The following CLEC16A variants were observed in gnomAD, a reference collection of about 807,000 sequenced individuals.
The protein encoded by CLEC16A is protein CLEC16A.
Under a neutral mutation model 109.5 loss-of-function variants are expected in CLEC16A, and 51 were observed. The ratio of observed to expected loss-of-function variants is 0.47; its 90% CI spans 0.37 to 0.59. CLEC16A has a LOEUF of 0.59. CLEC16A is among the 20% of genes least tolerant of loss of function. The pLI is 0.00. For synonymous variants in CLEC16A, 673 were observed against 564.2 expected (o/e 1.19, Z -2.73); for missense variants, 1,339 against 1,394.0 (o/e 0.96, Z 0.63).
rs74163611 is a variant in CLEC16A at position 11,003,123 on chromosome 16, G to C, written c.1121G>C (p.Arg374Pro). 2 of 1,613,380 alleles carry C rather than the reference G, an allele frequency of 1.2e-6. No homozygotes were observed. The highest frequency in any genetic ancestry group is 1.7e-6 in the Non-Finnish European group (2 of 1,179,812). ...CFIKPTETLE[R>P]SLEMNKHKGK... ...ATTAAACCCACCGAGACACTCGAGC[G>C]GTCCCTTGAGATGAACAAGCACAAG... Residue 374 changes from arginine to proline, a missense_variant, in exon 11 of 24, where the codon CGG (arginine) becomes CCG (proline). By Grantham distance (103) the Arg-to-Pro change is moderately radical. Coordinates refer to ENST00000409790, the MANE Select transcript of CLEC16A (RefSeq NM_015226.3).
rs200454024 is a variant in CLEC16A, at chr16:10,965,565, A to G, written c.343+2977A>G. 2.0e-5 allele frequency among the ~76,000 whole-genome samples: 3 copies of G among 152,188 alleles called. No individual in the cohort carries two copies. The East Asian group carries it at 5.8e-4, about 29-fold the overall frequency. Reference sequence around the variant, plus strand: ...GTGGCAGCTTGTTGTGCTATAATCTATTTAACCTGACCACGGGCATTTAGG... The same window carrying G: ...GTGGCAGCTTGTTGTGCTATAATCTGTTTAACCTGACCACGGGCATTTAGG... On this transcript the variant is annotated intron_variant, in intron 3 of 23. Transcript: ENST00000409790.
chr16:11,154,046 A>C (rs578175640), intron 22 of CLEC16A, among the ~76,000 whole-genome samples: 1 of 152,358 alleles, frequency 6.6e-6, no homozygotes, highest in East Asian at 1.9e-4. Context: ...GGATGAATGT[A>C]GCTGGAGAGA....
rs555491990 is a variant in CLEC16A, at chr16:11,148,790, C to G, written c.2642-17598C>G. On this transcript the variant is annotated intron_variant, in intron 22 of 23. Coordinates refer to ENST00000409790, the MANE Select transcript of CLEC16A (RefSeq NM_015226.3). ...AAATAATGAGCCAACGGCTGGCACC[C>G]TTTCTCCGAGCACAGCGATGCACCA... 2.4e-4 allele frequency among the ~76,000 whole-genome samples: 36 copies of G among 152,332 alleles called. 1 individual carries two copies. The South Asian group carries it at 7.0e-3, about 30-fold the overall frequency.
At chr16:10,962,354 G>A in intron 2 of CLEC16A, 101 bp from the exon 3 acceptor site, 1 of 1,424,080 alleles carries the variant, frequency 7.0e-7, no homozygotes. Flanking sequence ...CCTTGGGGGA[G>A]AGGGGTGAAT....
chr16:11,160,570 G>A (rs2054687948), intron 22 of CLEC16A, among the ~76,000 whole-genome samples: 1 of 152,162 alleles, frequency 6.6e-6, no homozygotes. Context: ...GTACAGGGCA[G>A]CTTTTTCTGC....
At chr16:11,147,033 A>T (rs2054090248) in intron 22 of CLEC16A, among the ~76,000 whole-genome samples, 1 of 152,074 alleles carries the variant, frequency 6.6e-6, no homozygotes, top group African/African-American at 2.4e-5. Context: ...TCTCTGAGGA[A>T]AGGATGTTGA....
chr16:11,013,673 C>T (rs1421651531), intron 11 of CLEC16A, among the ~76,000 whole-genome samples: 1 of 152,088 alleles, frequency 6.6e-6, no homozygotes, highest in Non-Finnish European at 1.5e-5. Context: ...GCTGGAGAAT[C>T]CCGTTAGACT....
intron 15 of CLEC16A, among the ~76,000 whole-genome samples, chr16:11,042,893 A>G (rs1295745874): frequency 6.7e-6 from 1 of 149,836 alleles, no homozygotes; most frequent in East Asian, 1.9e-4. Context: ...TTTAAGTATT[A>G]TAAGCAAATA....
intron 19 of CLEC16A, among the ~76,000 whole-genome samples, chr16:11,101,599 C>G (rs1314747303): frequency 1.3e-5 from 2 of 152,220 alleles, no homozygotes; most frequent in Admixed American, 6.5e-5. Context: ...GGCATCCCTC[C>G]TCTCCACAGA....
At chr16:11,134,337 G>A (rs2053433606) in intron 22 of CLEC16A, among the ~76,000 whole-genome samples, 1 of 152,090 alleles carries the variant, frequency 6.6e-6, no homozygotes, top group Non-Finnish European at 1.5e-5. Flanking sequence ...CTATAATTTG[G>A]AAGAATTAAC....
chr16:11,088,514 A>G (rs1270701935), intron 19 of CLEC16A, among the ~76,000 whole-genome samples: 3 of 152,228 alleles, frequency 2.0e-5, no homozygotes, highest in Non-Finnish European at 4.4e-5. Context: ...AAGGCCGCCA[A>G]GGAAGGCCCA....
intron 11 of CLEC16A, among the ~76,000 whole-genome samples, chr16:11,010,198 T>A (rs2045315942): frequency 7.1e-6 from 1 of 140,688 alleles, no homozygotes. Flanking sequence ...TAAATGATTA[T>A]CTCCATGGCA....
intron 15 of CLEC16A, among the ~76,000 whole-genome samples, chr16:11,042,957 T>A (rs999360780): frequency 8.6e-5 from 13 of 150,882 alleles, no homozygotes; most frequent in African/African-American, 2.9e-4. Flanking sequence ...TATTATACAC[T>A]ACGTATATTT....
chr16:10,971,579 T>C (rs1336289717), intron 5 of CLEC16A: 1 of 950,080 alleles, frequency 1.1e-6, no homozygotes, highest in Non-Finnish European at 1.3e-6. Flanking sequence ...TTGTGAAATA[T>C]ACTTTAATAC....
At chr16:11,019,895 A>G (rs530368444) in intron 11 of CLEC16A, among the ~76,000 whole-genome samples, 3 of 152,364 alleles carry the variant, frequency 2.0e-5, no homozygotes, top group South Asian at 4.1e-4. Flanking sequence ...TGTGGTATCA[A>G]TAAAGTAAAA....
chr16:10,955,587 G>A (rs956953482), intron 1 of CLEC16A, among the ~76,000 whole-genome samples: 2 of 152,196 alleles, frequency 1.3e-5, no homozygotes, highest in African/African-American at 2.4e-5. Context: ...GGCATTCTAA[G>A]CAGAAAGCCC....
At chr16:11,136,969 C>T (rs560952071) in intron 22 of CLEC16A, among the ~76,000 whole-genome samples, 11 of 152,314 alleles carry the variant, frequency 7.2e-5, no homozygotes, top group African/African-American at 2.4e-4. Flanking sequence ...CTCCGTGAAC[C>T]GCCATGCCCT....
intron 19 of CLEC16A, among the ~76,000 whole-genome samples, chr16:11,091,501 C>G (rs1334970108): frequency 6.6e-6 from 1 of 152,172 alleles, no homozygotes; most frequent in African/African-American, 2.4e-5. Flanking sequence ...TCAGGCCTCC[C>G]CCACCTCTGC....
chr16:11,090,452 C>T (rs2050240017), intron 19 of CLEC16A, among the ~76,000 whole-genome samples: 1 of 152,154 alleles, frequency 6.6e-6, no homozygotes, highest in Non-Finnish European at 1.5e-5. Flanking sequence ...ACCAGATGTC[C>T]TCAGGCAGCG....
Sources: gnomAD v4.1 joint callset for allele counts (sites outside exome capture counted in the v4.1 genomes callset) on GRCh38, gnomAD v4.1.1 for gene constraint, MANE v1.5 for transcripts, NCBI Gene and HGNC (gene_info 2026-07-23, HGNC 2026-07-21) for gene names.